MEI4: variants seen among roughly 807,000 people sequenced by gnomAD.
MEI4 encodes meiotic double-stranded break formation protein 4.
A neutral mutation model predicts 31.4 loss-of-function variants in MEI4; 27 were observed. The observed-to-expected ratio is 0.86, with a 90% CI of 0.63 to 1.19. The LOEUF is 1.19. MEI4 is among the 50% of genes most tolerant of loss of function. The pLI is 0.00. For missense variants in MEI4, 329 were observed against 398.9 expected (o/e 0.82, Z 1.49); for synonymous variants, 122 against 145.4 (o/e 0.84, Z 1.16).
At chr6:77,668,273 A>G (rs1253198963) in intron 1 of MEI4, among the ~76,000 whole-genome samples, 1 of 152,178 alleles carries the variant, frequency 6.6e-6, no homozygotes, top group African/African-American at 2.4e-5. Flanking sequence ...GTGATTTGGG[A>G]AAGTGAACAT....
intron 2 of MEI4, among the ~76,000 whole-genome samples, chr6:77,744,545 T>TTCTC: frequency 6.6e-6 from 1 of 152,170 alleles, no homozygotes; most frequent in South Asian, 2.1e-4. Context: ...AAAACACTTT[T>TTCTC]CAGGATATTA....
At chr6:77,914,968 G>T (rs185893791) in intron 4 of MEI4, among the ~76,000 whole-genome samples, 7 of 151,996 alleles carry the variant, frequency 4.6e-5, no homozygotes, top group African/African-American at 1.7e-4. Flanking sequence ...TGAGTTTCTT[G>T]TAAGCAGCAT....
intron 2 of MEI4, among the ~76,000 whole-genome samples, chr6:77,751,187 C>T (rs1767764124): frequency 6.6e-6 from 1 of 151,942 alleles, no homozygotes. Context: ...AATCGACACC[C>T]TAACATCACA....
intron 2 of MEI4, among the ~76,000 whole-genome samples, chr6:77,730,349 G>A (rs1337351900): frequency 6.6e-6 from 1 of 152,026 alleles, no homozygotes; most frequent in Non-Finnish European, 1.5e-5. Flanking sequence ...ATTCTATAGG[G>A]CTGTGTGTGA....
chr6:77,786,338 C>A (rs924433923), intron 3 of MEI4, among the ~76,000 whole-genome samples: 1 of 151,964 alleles, frequency 6.6e-6, no homozygotes, highest in Non-Finnish European at 1.5e-5. Context: ...AACATGTTAA[C>A]CTTGAATTTA....
chr6:77,896,303 G>A (rs914879608), intron 4 of MEI4, among the ~76,000 whole-genome samples: 5 of 152,092 alleles, frequency 3.3e-5, no homozygotes, highest in African/African-American at 7.2e-5. Context: ...AGTGATAAAT[G>A]TGAGTCAAAT....
At chr6:77,738,224 C>T (rs1348712785) in intron 2 of MEI4, among the ~76,000 whole-genome samples, 2 of 152,142 alleles carry the variant, frequency 1.3e-5, no homozygotes, top group Non-Finnish European at 2.9e-5. Context: ...TAGTTTAGAG[C>T]CAAGCTGACC....
intron 2 of MEI4, among the ~76,000 whole-genome samples, chr6:77,699,438 C>A (rs188953927): frequency 6.6e-6 from 1 of 151,794 alleles, no homozygotes; most frequent in Admixed American, 6.6e-5. Flanking sequence ...GTGATCCGCC[C>A]GCCTCGGCCT....
chr6:77,652,588 T>C (rs1413504120), upstream of MEI4, among the ~76,000 whole-genome samples: 1 of 152,162 alleles, frequency 6.6e-6, no homozygotes, highest in Non-Finnish European at 1.5e-5. Flanking sequence ...GGTATGCAAT[T>C]AGTGCACTTT....
At chr6:77,914,381 T>G (rs745944499) in intron 4 of MEI4, among the ~76,000 whole-genome samples, 2 of 152,098 alleles carry the variant, frequency 1.3e-5, no homozygotes, top group Non-Finnish European at 2.9e-5. Context: ...TTATTTAATT[T>G]GAATGTATTT....
chr6:77,681,279 G>T (rs1019450502), intron 1 of MEI4, among the ~76,000 whole-genome samples: 5 of 152,098 alleles, frequency 3.3e-5, no homozygotes, highest in Admixed American at 6.5e-5. Context: ...GCCTTATAAA[G>T]ATTCCAAATT....
intron 2 of MEI4, among the ~76,000 whole-genome samples, chr6:77,759,109 C>T (rs1038707642): frequency 2.0e-5 from 3 of 152,150 alleles, no homozygotes; most frequent in Admixed American, 2.0e-4. Flanking sequence ...GCAATTCCAA[C>T]AGACATTTTT....
chr6:77,695,020 T>C (rs1446294093), intron 2 of MEI4, among the ~76,000 whole-genome samples: 1 of 152,030 alleles, frequency 6.6e-6, no homozygotes, highest in Non-Finnish European at 1.5e-5. Flanking sequence ...CCAGTGATGA[T>C]GAGCATTTTT....
chr6:77,669,219 A>G (rs1438792344), intron 1 of MEI4, among the ~76,000 whole-genome samples: 5 of 151,036 alleles, frequency 3.3e-5, no homozygotes, highest in Non-Finnish European at 4.4e-5. Context: ...AAGAGGAAGC[A>G]TGTGTGTGTG....
chr6:77,743,310 G>T (rs926304233), intron 2 of MEI4, among the ~76,000 whole-genome samples: 5 of 152,116 alleles, frequency 3.3e-5, no homozygotes, highest in African/African-American at 9.7e-5. Flanking sequence ...GCAGTGGTTT[G>T]TAGTTCTCCT....
intron 1 of MEI4, among the ~76,000 whole-genome samples, chr6:77,659,996 GATGTGAA>G (rs1768474268): frequency 6.6e-6 from 1 of 152,198 alleles, no homozygotes; most frequent in Non-Finnish European, 1.5e-5. Flanking sequence ...GCAGCTTGCT[GATGTGAA>G]ATGTCTGGGG....
At chr6:77,730,566 T>G (rs1459662322) in intron 2 of MEI4, among the ~76,000 whole-genome samples, 1 of 151,950 alleles carries the variant, frequency 6.6e-6, no homozygotes, top group East Asian at 1.9e-4. Flanking sequence ...GCTCATTTAT[T>G]CAGTCCCTTT....
intron 4 of MEI4, among the ~76,000 whole-genome samples, chr6:77,842,652 C>T (rs1402312047): frequency 1.3e-5 from 2 of 151,972 alleles, no homozygotes; most frequent in African/African-American, 4.8e-5. Context: ...GTATCTTTCC[C>T]TTCTTCTTCC....
At chr6:77,887,150 T>C (rs755564751) in intron 4 of MEI4, among the ~76,000 whole-genome samples, 2 of 152,022 alleles carry the variant, frequency 1.3e-5, no homozygotes, top group Non-Finnish European at 2.9e-5. Flanking sequence ...TCTCATAGTA[T>C]GTTGTGTTTC....
Sources: gnomAD v4.1 joint callset for allele counts (sites outside exome capture counted in the v4.1 genomes callset) on GRCh38, gnomAD v4.1.1 for gene constraint, MANE v1.5 for transcripts, NCBI Gene and HGNC (gene_info 2026-07-23, HGNC 2026-07-21) for gene names.